The following VPS53 variants were observed in gnomAD, a reference collection of about 807,000 sequenced individuals.
VPS53 encodes VPS53 subunit of GARP complex.
A neutral mutation model predicts 107.0 loss-of-function variants in VPS53; 70 were observed. That is an observed-to-expected ratio of 0.65 (90% confidence interval 0.54 to 0.80). The LOEUF is 0.80. VPS53 is among the 30% of genes least tolerant of loss of function. VPS53 has a pLI of 0.00. For synonymous variants in VPS53, 409 were observed against 393.3 expected, an observed-to-expected ratio of 1.04 and a Z score of -0.47; for missense variants, 917 against 1,049.4, an observed-to-expected ratio of 0.87 and a Z score of 1.74.
intron 17 of VPS53, among the ~76,000 whole-genome samples, chr17:540,077 G>A (rs1028214178): frequency 4.7e-5 from 2 of 42,576 alleles, no homozygotes; most frequent in Admixed American, 4.6e-4. Flanking sequence ...ACCCGCCCCC[G>A]CCACCCTGCC....
intron 4 of VPS53, 107 bp downstream of exon 4, chr17:697,311 G>A (rs917794347): frequency 2.7e-5 from 25 of 928,868 alleles, no homozygotes; most frequent in African/African-American, 1.5e-4. Flanking sequence ...TGTATGAAAC[G>A]GATCAATCGG....
intron 4 of VPS53, among the ~76,000 whole-genome samples, chr17:684,858 C>T (rs1216991197): frequency 6.6e-6 from 1 of 152,004 alleles, no homozygotes; most frequent in Admixed American, 6.6e-5. Flanking sequence ...CATGGTGGCT[C>T]ACGCCTGTAA....
In VPS53 at chr17:645,659, C is replaced by A. The variant is rs569953219; in HGVS notation, c.608+7632G>T. Among the ~76,000 whole-genome samples the A allele has an allele frequency of 2.0e-5, 3 of 152,338 alleles. No homozygotes were observed. In the East Asian group the frequency reaches 5.8e-4, roughly 29 times the overall value. Reference sequence around the variant, plus strand: ...TAGGTTTTACATCTAGGTTACAGATCCATTTTGAGTTATTAACGAATCCCT... The same window carrying A: ...TAGGTTTTACATCTAGGTTACAGATACATTTTGAGTTATTAACGAATCCCT... On this transcript the variant is annotated intron_variant, in intron 7 of 21. Coordinates refer to ENST00000437048, the MANE Select transcript of VPS53 (RefSeq NM_001128159.3).
At chr17:678,969 A>T (rs529018979) in intron 4 of VPS53, among the ~76,000 whole-genome samples, 3 of 152,156 alleles carry the variant, frequency 2.0e-5, no homozygotes, top group African/African-American at 7.2e-5. Context: ...CACTCAGGAG[A>T]TGTGGCCAAA....
chr17:679,868 T>C (rs1196946056), intron 4 of VPS53, among the ~76,000 whole-genome samples: 1 of 151,946 alleles, frequency 6.6e-6, no homozygotes, highest in Non-Finnish European at 1.5e-5. Context: ...CTGACAAAGG[T>C]CAGGCATGGT....
chr17:547,123 C>G (rs1911275119), intron 17 of VPS53, among the ~76,000 whole-genome samples: 1 of 152,114 alleles, frequency 6.6e-6, no homozygotes, highest in Admixed American at 6.5e-5. Context: ...GTGATCTGCC[C>G]ACCTCGGCCT....
rs184679864 is a variant in VPS53, at chr17:509,199, C to T, written c.*9929G>A. The T allele has an allele frequency of 0.02, 3,056 of 152,276 alleles. 33 individuals carry two copies. Among genetic ancestry groups the T allele is most frequent in the Middle Eastern group, 0.049 (14 of 288 alleles). 9.4% of individuals were successfully genotyped at this position (152,276 alleles called of 1,614,324 possible). ...AGTCACATATCAAATCCTGCCTCAC[C>T]CCCTTACTAGTCACATATCAAATCC... On this transcript the variant is annotated 3_prime_UTR_variant, in exon 22 of 22. Transcript: ENST00000437048.
intron 13 of VPS53, among the ~76,000 whole-genome samples, chr17:563,821 G>A (rs1212538314): frequency 6.6e-6 from 1 of 152,286 alleles, no homozygotes; most frequent in Middle Eastern, 3.4e-3. Flanking sequence ...TAGACATCAC[G>A]AACCTAAATG....
chr17:532,875 C>G lies in VPS53; in HGVS notation c.2052G>C (p.Lys684Asn), dbSNP rs778819267. Residue 684 changes from lysine to asparagine, a missense_variant, in exon 19 of 22, where the codon AAG (lysine) becomes AAC (asparagine). Transcript: ENST00000437048. ...CTCCCACCATGCTAATTGGCTTGCA[C>G]TTGAAGAGGTGGGTGATGAATTTGG... ...FIPKFITHLF[K>N]CKPISMVGAE... 2 of 1,613,922 alleles carry G rather than the reference C, an allele frequency of 1.2e-6. No homozygotes were observed. The highest frequency in any genetic ancestry group is 1.7e-6 in the Non-Finnish European group (2 of 1,179,976).
At chr17:690,963 C>T (rs996599069) in intron 4 of VPS53, among the ~76,000 whole-genome samples, 3 of 152,180 alleles carry the variant, frequency 2.0e-5, no homozygotes, top group African/African-American at 7.2e-5. Context: ...TCTGGACCCC[C>T]AGTCCCTAAG....
At chr17:636,056 A>G (rs1302845804) in intron 7 of VPS53, among the ~76,000 whole-genome samples, 2 of 152,064 alleles carry the variant, frequency 1.3e-5, no homozygotes, top group Admixed American at 6.6e-5. Context: ...ATTTGTTTGT[A>G]TACTCTTTTA....
In VPS53 at chr17:553,408, G is replaced by T. The variant is rs1912045053; in HGVS notation, c.1759C>A (p.Leu587Met). Reference sequence around the variant, plus strand: ...CTGAACGTGTCCATCTCTCCAGTCAGATTGATTCGTTCAATCAGACTTACA... The same window carrying T: ...CTGAACGTGTCCATCTCTCCAGTCATATTGATTCGTTCAATCAGACTTACA... ...VDVSLIERIN[L>M]TGEMDTFSTV... Residue 587 changes from leucine (L) to methionine (M), a missense_variant, in exon 16 of 22, where the codon CTG becomes ATG. By Grantham distance (15) the Leu-to-Met change is conservative. Transcript: ENST00000437048. The T allele has an allele frequency of 6.2e-7, 1 of 1,613,990 alleles. No homozygotes were observed. The highest frequency in any genetic ancestry group is 8.5e-7 in the Non-Finnish European group (1 of 1,180,046).
At chr17:597,360 A>G (rs1197339953) in intron 12 of VPS53, among the ~76,000 whole-genome samples, 1 of 151,924 alleles carries the variant, frequency 6.6e-6, no homozygotes, top group East Asian at 1.9e-4. Context: ...TTTGTTGTGC[A>G]CCCCACTCTG....
chr17:621,280 T>A (rs1008722189), intron 11 of VPS53, among the ~76,000 whole-genome samples: 2 of 152,244 alleles, frequency 1.3e-5, no homozygotes, highest in African/African-American at 4.8e-5. Flanking sequence ...ACTTTTAAAC[T>A]GCTGTGTAGC....
chr17:703,019 G>C (rs1973264843), intron 2 of VPS53, among the ~76,000 whole-genome samples: 1 of 152,082 alleles, frequency 6.6e-6, no homozygotes, highest in African/African-American at 2.4e-5. Context: ...CAGTCTCTGG[G>C]CAACCTGGCA....
At chr17:570,788 G>A (rs970848962) in intron 13 of VPS53, among the ~76,000 whole-genome samples, 4 of 152,138 alleles carry the variant, frequency 2.6e-5, no homozygotes, top group African/African-American at 9.7e-5. Context: ...GAAATGTGAG[G>A]AGGAGAGCAT....
rs371164327 is a variant in VPS53, at chr17:714,644, C to T, written c.66G>A (p.Glu22=). ...TTACCTGCTCGATGGCCAGCTGCAC[C>T]TCGGGCGTGAGCTGCAGCACGGCTT... ...ELEAVLQLTP[E]VQLAIEQVFP... Residue 22 remains glutamate (E), a synonymous_variant, in exon 1 of 22, where the codon GAG becomes GAA. Transcript: ENST00000437048. The T allele has an allele frequency of 1.9e-6, 3 of 1,612,908 alleles. No individual in the cohort carries two copies. In the African/African-American group the frequency reaches 4.0e-5, roughly 22 times the overall value.
intron 2 of VPS53, among the ~76,000 whole-genome samples, chr17:705,436 A>T (rs1973364394): frequency 1.3e-5 from 2 of 151,916 alleles, no homozygotes; most frequent in Admixed American, 1.3e-4. Flanking sequence ...AAAAAAAAAA[A>T]AAATTAAAAA....
At chr17:604,943 G>C (rs945248720) in intron 11 of VPS53, among the ~76,000 whole-genome samples, 1 of 152,166 alleles carries the variant, frequency 6.6e-6, no homozygotes, top group Non-Finnish European at 1.5e-5. Context: ...ATGGAGATTA[G>C]AGTCTGCTGG....
Sources: gnomAD v4.1 joint callset for allele counts (sites outside exome capture counted in the v4.1 genomes callset) on GRCh38, gnomAD v4.1.1 for gene constraint, MANE v1.5 for transcripts, NCBI Gene and HGNC (gene_info 2026-07-23, HGNC 2026-07-21) for gene names.